Variants in STAG1 observed in about 807,000 individuals in gnomAD.
STAG1 encodes STAG1 cohesin complex component, also known as cohesin subunit SA-1.
Under a neutral mutation model 170.9 loss-of-function variants are expected in STAG1, and 26 were observed. The ratio of observed to expected loss-of-function variants is 0.15; its 90% CI spans 0.11 to 0.21. The LOEUF (loss-of-function observed/expected upper bound fraction) is 0.21. Among genes scored for constraint, STAG1 ranks in the 10% least tolerant of loss-of-function variants. The probability of loss-of-function intolerance (pLI) is 1.00; values close to 1 mark genes in which losing one functional copy is unlikely to be tolerated. For synonymous variants in STAG1, 514 were observed against 497.7 expected (o/e 1.03, Z -0.44); for missense variants, 964 against 1,509.5 (o/e 0.64, Z 5.99).
rs992410640 is a variant in STAG1 at position 136,418,052 on chromosome 3, G to T, written c.2109-80C>A. On this transcript the variant is annotated intron_variant, in intron 20 of 33. Coordinates refer to ENST00000383202, the MANE Select transcript of STAG1 (RefSeq NM_005862.3). ...TTGAGCTCAGTTCAGGTGAGTGGAA[G>T]AATAAAATAATTTCATTTCGGCTGG... 7.3e-6 allele frequency: 8 copies of T among 1,102,690 alleles called. No homozygotes were observed. The East Asian group carries it at 7.3e-5, about 10-fold the overall frequency. The allele number at this position is 1,102,690 out of a possible 1,614,324, so 68.3% of individuals were successfully genotyped here.
At chr3:136,377,314 G>A (rs1348125755) in intron 23 of STAG1, among the ~76,000 whole-genome samples, 1 of 126,296 alleles carries the variant, frequency 7.9e-6, no homozygotes, top group Non-Finnish European at 1.6e-5. Context: ...GTGAACCCGG[G>A]AGGCGGAGCT....
intron 1 of STAG1, chr3:136,736,426 G>T (rs1934337355): frequency 2.7e-6 from 3 of 1,121,212 alleles, no homozygotes; most frequent in African/African-American, 1.5e-5. Flanking sequence ...TGGGAGGAAA[G>T]AATGAGTCCT....
In STAG1 at chr3:136,477,301, A is replaced by C; in HGVS notation, c.1014T>G (p.Thr338=). The change falls in exon 10 of 34, where the codon ACT becomes ACG. Residue 338 remains threonine, a synonymous_variant. Transcript: ENST00000383202. ...CAGAGTAACTTACCCTGTCATGAAG[A>C]GTCCAGCCAACATATTTTAGGTAAC... ...NDSYLKYVGW[T]LHDRQGEVRL... 6.2e-7 allele frequency: 1 copy of C among 1,612,082 alleles called. No homozygotes were observed. The highest frequency in any genetic ancestry group is 8.5e-7 in the Non-Finnish European group (1 of 1,179,208).
intron 4 of STAG1, among the ~76,000 whole-genome samples, chr3:136,576,120 T>A (rs1937447792): frequency 6.6e-6 from 1 of 152,202 alleles, no homozygotes; most frequent in Non-Finnish European, 1.5e-5. Context: ...AAGGAACGTT[T>A]CACTAAATGA....
chr3:136,702,526 A>G lies in STAG1; in HGVS notation c.-84+49669T>C, dbSNP rs566211464. Among the ~76,000 whole-genome samples, 105 of 152,044 alleles carry G rather than the reference A, an allele frequency of 6.9e-4. 1 individual carries two copies. The South Asian group carries it at 0.021, about 31-fold the overall frequency. ...CTCAGGCTCCCAAGTAGCTGGGATT[A>G]CAGGTGCCCGCCACAACACCCAGCT... is the stretch of plus-strand genomic sequence containing the variant. On this transcript the variant is annotated intron_variant, in intron 1 of 33. Coordinates refer to ENST00000383202, the MANE Select transcript of STAG1 (RefSeq NM_005862.3).
At chr3:136,357,687 T>C in intron 28 of STAG1, 33 bp downstream of exon 28, 1 of 1,542,720 alleles carries the variant, frequency 6.5e-7, no homozygotes. Flanking sequence ...AGTATTATTA[T>C]AAAAACCACT....
At chr3:136,443,217 T>A in intron 15 of STAG1, 70 bp downstream of exon 15, 1 of 1,014,950 alleles carries the variant, frequency 9.9e-7, no homozygotes, top group Non-Finnish European at 1.5e-6. Context: ...TAAGAAGCGA[T>A]CTATATACAA....
At chr3:136,348,398 A>G (rs1165367736) in intron 29 of STAG1, among the ~76,000 whole-genome samples, 2 of 151,792 alleles carry the variant, frequency 1.3e-5, no homozygotes, top group Non-Finnish European at 2.9e-5. Context: ...AACCAGATTT[A>G]GCCATTACTG....
At position 136,525,532 on chromosome 3, in the gene STAG1, T is replaced by G. The variant is rs537008079; in HGVS notation, c.472-4115A>C. 3.9e-5 allele frequency among the ~76,000 whole-genome samples: 6 copies of G among 152,240 alleles called. No homozygotes were observed. In the East Asian group the frequency reaches 7.7e-4, roughly 20 times the overall value. ...CAGTGGTCTATCAATGTTGTTGATC[T>G]TTTCAAAAAACCAGCTCCTAGATTC... On this transcript the variant is annotated intron_variant, in intron 6 of 33. Transcript: ENST00000383202.
intron 1 of STAG1, among the ~76,000 whole-genome samples, chr3:136,746,067 G>A (rs1284626999): frequency 1.3e-5 from 2 of 152,166 alleles, no homozygotes; most frequent in East Asian, 3.8e-4. Context: ...AAGGCAGGAA[G>A]CTGACTGTCC....
intron 5 of STAG1, among the ~76,000 whole-genome samples, chr3:136,559,151 A>ATCTATCTG (rs71157391): frequency 0.16 from 23,617 of 151,968 alleles, 2,430 homozygotes; most frequent in Non-Finnish European, 0.23. Context: ...CTATCTATCT[A>ATCTATCTG]TCTATCTATC....
intron 1 of STAG1, among the ~76,000 whole-genome samples, chr3:136,690,418 G>A (rs1012938571): frequency 1.3e-5 from 2 of 152,178 alleles, no homozygotes; most frequent in Non-Finnish European, 2.9e-5. Flanking sequence ...TGTATTTTTA[G>A]TAGAGATGAG....
chr3:136,503,910 A>AT (rs1933622342), intron 7 of STAG1, among the ~76,000 whole-genome samples: 2 of 151,734 alleles, frequency 1.3e-5, no homozygotes, highest in Non-Finnish European at 2.9e-5. Flanking sequence ...TAATTACTGT[A>AT]TTTTTTAGTA....
At chr3:136,550,464 T>C (rs768173852) in intron 5 of STAG1, among the ~76,000 whole-genome samples, 3 of 151,996 alleles carry the variant, frequency 2.0e-5, no homozygotes, top group Non-Finnish European at 4.4e-5. Flanking sequence ...CCCACCACCA[T>C]GCCCGGCTAA....
At position 136,357,821 on chromosome 3, in the gene STAG1, G is replaced by A. The variant is rs1553790880; in HGVS notation, c.2964C>T (p.Tyr988=). 6.2e-7 allele frequency: 1 copy of A among 1,600,660 alleles called. No individual in the cohort carries two copies. Among genetic ancestry groups the A allele is most frequent in the Non-Finnish European group, 8.5e-7 (1 of 1,176,072 alleles). The change falls in exon 28 of 34, where the codon TAC becomes TAT. Residue 988 remains tyrosine, a synonymous_variant. Coordinates refer to ENST00000383202, the MANE Select transcript of STAG1 (RefSeq NM_005862.3). ...HKDGIEFAFK[Y]QNQKGQEYPP... Reference sequence around the variant, plus strand: ...GATACTCTTGTCCTTTCTGATTTTGGTATTTAAATGCAAACTCTATGCCAT... The same window carrying A: ...GATACTCTTGTCCTTTCTGATTTTGATATTTAAATGCAAACTCTATGCCAT...
At chr3:136,657,525 A>C (rs941102293) in intron 1 of STAG1, among the ~76,000 whole-genome samples, 26 of 152,122 alleles carry the variant, frequency 1.7e-4, no homozygotes, top group African/African-American at 6.0e-4. Context: ...CATGCACATA[A>C]AAAGACTGAA....
intron 26 of STAG1, among the ~76,000 whole-genome samples, chr3:136,360,419 C>T (rs142870886): frequency 4.6e-5 from 7 of 152,272 alleles, no homozygotes; most frequent in Non-Finnish European, 8.8e-5. Flanking sequence ...CAGCTACTAA[C>T]CCATTTCTCT....
Position 136,486,982 on chromosome 3 carries a change from AT to A in STAG1, c.903-9571del, listed in dbSNP as rs111653729. Among the ~76,000 whole-genome samples, 34 of 101,284 alleles carry A rather than the reference AT, an allele frequency of 3.4e-4. No homozygotes were observed. The East Asian group carries it at 4.8e-3, about 14-fold the overall frequency. 66.4% of individuals were successfully genotyped at this position (101,284 alleles called of 152,430 possible). A position where few individuals can be genotyped will look rare whatever the true frequency, so the allele number is the denominator to read the frequency against. On this transcript the variant is annotated intron_variant, in intron 9 of 33. Coordinates refer to ENST00000383202, the MANE Select transcript of STAG1 (RefSeq NM_005862.3). The stretch of plus-strand genomic sequence containing the variant: ...CACAGGTTCTCTGTATGCAATGCCG[AT>A]TTTTTTTTATTTCTTCAAAAAAAAA...
chr3:136,609,623 A>T (rs972220221), intron 3 of STAG1: 21 of 157,806 alleles, frequency 1.3e-4, no homozygotes, highest in African/African-American at 5.0e-4. Context: ...ATATACTATT[A>T]TCAGTGGTCC....
Sources: allele counts gnomAD v4.1 joint callset (sites outside exome capture counted in the v4.1 genomes callset), GRCh38; gene constraint gnomAD v4.1.1; transcripts MANE v1.5; gene names NCBI Gene and HGNC (gene_info 2026-07-23, HGNC 2026-07-21).